The following CPA6 variants were observed in gnomAD, a reference collection of about 807,000 sequenced individuals.
CPA6 encodes the protein carboxypeptidase A6.
A neutral mutation model predicts 63.3 loss-of-function variants in CPA6; 58 were observed. The ratio of observed to expected loss-of-function variants is 0.92; its 90% CI spans 0.74 to 1.14. The LOEUF (loss-of-function observed/expected upper bound fraction) is 1.14. Ranked by LOEUF, CPA6 falls within the 50% of genes most tolerant of loss-of-function variation. The pLI is 0.00. For missense variants in CPA6, 565 were observed against 526.6 expected, an observed-to-expected ratio of 1.07 and a Z score of -0.71; for synonymous variants, 185 against 179.0, an observed-to-expected ratio of 1.03 and a Z score of -0.27.
chr8:67,566,170 C>T lies in CPA6; in HGVS notation c.193-48123G>A, dbSNP rs1253683226. Among the ~76,000 whole-genome samples, 4 of 152,288 alleles carry T rather than the reference C, an allele frequency of 2.6e-5. 1 individual carries two copies. The South Asian group carries it at 6.2e-4, about 24-fold the overall frequency. On this transcript the variant is annotated intron_variant, in intron 2 of 10. Transcript: ENST00000297770. ...TGGCATTCTCCTCTCTTCCCATTGT[C>T]GTTTCAATAGTATTAGTCATTAGTT...
intron 6 of CPA6, among the ~76,000 whole-genome samples, chr8:67,493,837 T>G (rs1811654984): frequency 6.6e-6 from 1 of 152,134 alleles, no homozygotes; most frequent in African/African-American, 2.4e-5. Flanking sequence ...TCAGATTAGA[T>G]CCACCTGTAT....
At chr8:67,571,065 C>A (rs1813474392) in intron 2 of CPA6, among the ~76,000 whole-genome samples, 1 of 151,970 alleles carries the variant, frequency 6.6e-6, no homozygotes, top group South Asian at 2.1e-4. Context: ...TTGTATCAGA[C>A]AAAATAGATT....
chr8:67,450,004 C>T (rs183732536), intron 8 of CPA6, among the ~76,000 whole-genome samples: 1,727 of 151,898 alleles, frequency 0.011, 25 homozygotes, highest in African/African-American at 0.04. Context: ...TTAGTAGAGA[C>T]GGGGTTTTGC....
rs1433562109 is a variant in CPA6 at position 67,573,658 on chromosome 8, C to T, written c.192+50518G>A. On this transcript the variant is annotated intron_variant, in intron 2 of 10. Coordinates refer to ENST00000297770, the MANE Select transcript of CPA6 (RefSeq NM_020361.5). ...CTGTAATCCCAGCACTTTGGGAGGC[C>T]GAGGAGGGCGGATCACGAGGTCAGG... Among the ~76,000 whole-genome samples, 5 of 151,894 alleles carry T rather than the reference C, an allele frequency of 3.3e-5. No homozygotes were observed. The South Asian group carries it at 8.3e-4, about 25-fold the overall frequency.
intron 6 of CPA6, among the ~76,000 whole-genome samples, chr8:67,487,602 A>G (rs1223419876): frequency 3.3e-5 from 5 of 152,186 alleles, no homozygotes; most frequent in African/African-American, 9.7e-5. Flanking sequence ...TGGTATTTCT[A>G]GTTCTAGATC....
intron 2 of CPA6, among the ~76,000 whole-genome samples, chr8:67,550,815 T>C (rs1010670873): frequency 5.3e-5 from 8 of 152,228 alleles, no homozygotes; most frequent in African/African-American, 1.9e-4. Context: ...TTTCACGTGT[T>C]TGTTGGCCAC....
chr8:67,694,729 G>A (rs956343434), intron 1 of CPA6, among the ~76,000 whole-genome samples: 17 of 152,158 alleles, frequency 1.1e-4, no homozygotes, highest in Admixed American at 6.5e-5. Context: ...TGTACAATAC[G>A]CAGGCACTAT....
At chr8:67,434,283 A>G in intron 8 of CPA6, 43 bp from the exon 9 acceptor site, 1 of 1,446,512 alleles carries the variant, frequency 6.9e-7, no homozygotes. Flanking sequence ...GTGGGCAGGG[A>G]AGAAACAAGA....
chr8:67,651,917 G>A (rs887816259), intron 1 of CPA6, among the ~76,000 whole-genome samples: 3 of 150,824 alleles, frequency 2.0e-5, no homozygotes, highest in Admixed American at 1.3e-4. Flanking sequence ...AACAGTCCCT[G>A]GAGTGTGATG....
chr8:67,730,994 A>C (rs182561755), intron 1 of CPA6, among the ~76,000 whole-genome samples: 1 of 152,262 alleles, frequency 6.6e-6, no homozygotes, highest in Admixed American at 6.5e-5. Context: ...CAATCCTGCT[A>C]TTACAGAAAT....
intron 5 of CPA6, among the ~76,000 whole-genome samples, chr8:67,507,503 C>T (rs192642250): frequency 8.2e-4 from 125 of 152,104 alleles, no homozygotes; most frequent in African/African-American, 1.5e-3. Context: ...GGTTGCTAAC[C>T]GAGAAATCAA....
chr8:67,687,141 A>G (rs1410534883), intron 1 of CPA6, among the ~76,000 whole-genome samples: 1 of 152,192 alleles, frequency 6.6e-6, no homozygotes, highest in African/African-American at 2.4e-5. Context: ...ATTAATTGGG[A>G]TAAATAATAG....
intron 2 of CPA6, among the ~76,000 whole-genome samples, chr8:67,561,488 C>T (rs528122319): frequency 3.4e-4 from 52 of 152,228 alleles, no homozygotes; most frequent in African/African-American, 1.0e-3. Flanking sequence ...CACGAGGAAA[C>T]GTCAGACAAA....
At chr8:67,644,212 G>T (rs573505332) in intron 1 of CPA6, among the ~76,000 whole-genome samples, 75 of 151,610 alleles carry the variant, frequency 4.9e-4, no homozygotes, top group African/African-American at 1.7e-3. Flanking sequence ...TCCGCCTCCC[G>T]GGTTCACGCC....
intron 1 of CPA6, among the ~76,000 whole-genome samples, chr8:67,683,236 G>C (rs1299464643): frequency 6.6e-6 from 1 of 152,092 alleles, no homozygotes; most frequent in African/African-American, 2.4e-5. Flanking sequence ...TAGGCAGGAG[G>C]GTGTCTCCAA....
At chr8:67,569,572 C>T in intron 2 of CPA6, 1 of 460,476 alleles carries the variant, frequency 2.2e-6, no homozygotes, top group South Asian at 1.7e-5. Context: ...ACAACAAGCC[C>T]AGTTGTCAGC....
chr8:67,463,636 A>G (rs913047548), intron 8 of CPA6, among the ~76,000 whole-genome samples: 2 of 152,146 alleles, frequency 1.3e-5, no homozygotes, highest in Non-Finnish European at 2.9e-5. Context: ...TACTGAGCAA[A>G]GGACCCAACA....
chr8:67,603,353 A>T (rs181272824), intron 2 of CPA6, among the ~76,000 whole-genome samples: 68 of 152,264 alleles, frequency 4.5e-4, no homozygotes, highest in African/African-American at 1.6e-3. Flanking sequence ...TTGAAGTGAA[A>T]CATTTAGGAA....
chr8:67,514,723 AC>A (rs1812108012), intron 3 of CPA6, among the ~76,000 whole-genome samples: 1 of 152,222 alleles, frequency 6.6e-6, no homozygotes, highest in South Asian at 2.1e-4. Context: ...TGTTAAACTA[AC>A]CGGTATATTC....
Sources: allele counts gnomAD v4.1 joint callset (sites outside exome capture counted in the v4.1 genomes callset), GRCh38; gene constraint gnomAD v4.1.1; transcripts MANE v1.5; gene names NCBI Gene and HGNC (gene_info 2026-07-23, HGNC 2026-07-21).